TSFM: variants seen among roughly 807,000 people sequenced by gnomAD.
TSFM encodes the protein Ts translation elongation factor, mitochondrial, also known as elongation factor Ts, mitochondrial.
TSFM carries 29 observed loss-of-function variants against 33.4 expected under a neutral mutation model. That is an observed-to-expected ratio of 0.87 (90% CI 0.65 to 1.18). The LOEUF (loss-of-function observed/expected upper bound fraction) is 1.18, where lower values mean the gene tolerates loss of function less well. Ranked by LOEUF, TSFM falls within the 50% of genes most tolerant of loss-of-function variation. The pLI, the probability that TSFM is intolerant of heterozygous loss-of-function variation, is 0.00. For missense variants in TSFM, 394 were observed against 395.6 expected, an observed-to-expected ratio of 1.00 and a Z score of 0.04; for synonymous variants, 178 against 163.5, an observed-to-expected ratio of 1.09 and a Z score of -0.68.
intron 1 of TSFM, 67 bp from the exon 2 acceptor site, chr12:57,783,043 C>T: frequency 1.9e-6 from 3 of 1,554,988 alleles, no homozygotes; most frequent in South Asian, 1.2e-5. Context: ...CGCTTCCCTG[C>T]CCGTGTACCC....
rs1299791645 is a variant in TSFM at position 57,784,811 on chromosome 12, C to T, written c.232-1352C>T. Among the ~76,000 whole-genome samples, 5 of 144,180 alleles carry T rather than the reference C, an allele frequency of 3.5e-5. No homozygotes were observed. In the East Asian group the frequency reaches 6.7e-4, roughly 19 times the overall value. 94.6% of individuals were successfully genotyped at this position (144,180 alleles called of 152,430 possible). Reference sequence around the variant, plus strand: ...AGGATAATCTCTTGAACCCAAAAGGCGGAGGTTGTGGTGAGCCGAGATCGT... The same window carrying T: ...AGGATAATCTCTTGAACCCAAAAGGTGGAGGTTGTGGTGAGCCGAGATCGT... On this transcript the variant is annotated intron_variant, in intron 2 of 5. Transcript: ENST00000652027.
chr12:57,787,104 C>T lies in TSFM; in HGVS notation c.425C>T (p.Ala142Val), dbSNP rs1595138623. 6.2e-7 allele frequency: 1 copy of T among 1,609,600 alleles called. No individual in the cohort carries two copies. The highest frequency in any genetic ancestry group is 2.2e-5 in the East Asian group (1 of 44,834). Reference sequence around the variant, plus strand: ...TTTCAACTGTTGGTCCAGCAAGTAGCCCTTGGAACCATGATGCATTGTCAG... The same window carrying T: ...TTTCAACTGTTGGTCCAGCAAGTAGTCCTTGGAACCATGATGCATTGTCAG... ...LKFQLLVQQVALGTMMHCQTL... is the reference protein window; with the variant it reads ...LKFQLLVQQVVLGTMMHCQTL... Residue 142 changes from alanine (A) to valine (V), a missense_variant, in exon 4 of 6, where the codon GCC becomes GTC. Physicochemically the swap from Ala to Val is moderately conservative, Grantham distance 64 (BLOSUM62 0). Coordinates refer to ENST00000652027, the MANE Select transcript of TSFM (RefSeq NM_005726.6).
In TSFM at chr12:57,796,523, G is replaced by C. The variant is rs149429981; in HGVS notation, c.918G>C (p.Ser306=). 5.3e-6 allele frequency: 8 copies of C among 1,498,116 alleles called. No individual in the cohort carries two copies. The African/African-American group carries it at 1.1e-4, about 21-fold the overall frequency. 92.8% of individuals were successfully genotyped at this position (1,498,116 alleles called of 1,614,324 possible). A position where few individuals can be genotyped will look rare whatever the true frequency, so the allele number is the denominator to read the frequency against. ...LGQYVQPQGV[S]VVDFVRFECG... ...AGTATGTGCAGCCTCAGGGGGTGTCGGTAGTAGACTTTGTGCGGTTTGAAT... is the reference window on the plus strand; with the variant it reads ...AGTATGTGCAGCCTCAGGGGGTGTCCGTAGTAGACTTTGTGCGGTTTGAAT... The change falls in exon 6 of 6, where the codon TCG becomes TCC. Residue 306 remains serine, a synonymous_variant. Coordinates refer to ENST00000652027, the MANE Select transcript of TSFM (RefSeq NM_005726.6).
downstream of TSFM, chr12:57,802,154 T>C (rs760455022): frequency 6.2e-7 from 1 of 1,613,770 alleles, no homozygotes; most frequent in South Asian, 1.1e-5. Context: ...TACTCTCTTT[T>C]CTTACACTCC....
chr12:57,783,039 C>T (rs1397460267), intron 1 of TSFM, 71 bp from the exon 2 acceptor site: 1 of 1,546,622 alleles, frequency 6.5e-7, no homozygotes, highest in South Asian at 1.2e-5. Flanking sequence ...AGGTCGCTTC[C>T]CTGCCCGTGT....
In TSFM at chr12:57,796,466, G is replaced by T. The variant is rs775672491; in HGVS notation, c.861G>T (p.Pro287=). 11 of 1,592,706 alleles carry T rather than the reference G, an allele frequency of 6.9e-6. No homozygotes were observed. The East Asian group carries it at 2.2e-4, about 32-fold the overall frequency. The change falls in exon 6 of 6, where the codon CCG becomes CCT. Residue 287 remains proline (P), a synonymous_variant. Coordinates refer to ENST00000652027, the MANE Select transcript of TSFM (RefSeq NM_005726.6). ...CAGAGACTAAGATGCTGTCCCAGCC[G>T]TATTTGCTGGATCCCTCCATTACCT... ...GEAETKMLSQ[P]YLLDPSITLG...
Position 57,783,300 on chromosome 12 carries a change from G to A in TSFM, c.231+17G>A. ...CTCAAACAGGTGTGTGTGTGGAGGG[G>A]TGCAGGGCGGAGTACTAGAGCTCGA... is the stretch of plus-strand genomic sequence containing the variant. On this transcript the variant is annotated intron_variant, in intron 2 of 5. Coordinates refer to ENST00000652027, the MANE Select transcript of TSFM (RefSeq NM_005726.6). 1.2e-6 allele frequency: 2 copies of A among 1,613,588 alleles called. No individual in the cohort carries two copies. The highest frequency in any genetic ancestry group is 1.3e-5 in the African/African-American group (1 of 75,048).
At chr12:57,802,453 A>G, downstream of TSFM, 3 of 1,353,412 alleles carry the variant, frequency 2.2e-6, no homozygotes, top group Non-Finnish European at 3.1e-6. Flanking sequence ...TGAGCAATTC[A>G]CAGCCTCAGA....
At chr12:57,783,694 A>G (rs1412208713) in intron 2 of TSFM, 2 of 589,856 alleles carry the variant, frequency 3.4e-6, no homozygotes, top group Non-Finnish European at 6.3e-6. Context: ...CCCGGGTTCA[A>G]GCGATTCTCC....
chr12:57,801,111 G>C (rs1955837904), downstream of TSFM: 1 of 1,595,482 alleles, frequency 6.3e-7, no homozygotes, highest in Non-Finnish European at 8.6e-7. Flanking sequence ...TTGCCCATGT[G>C]GCTGGCTTCT....
chr12:57,789,928 G>A (rs962179525), intron 4 of TSFM, among the ~76,000 whole-genome samples: 4 of 151,842 alleles, frequency 2.6e-5, no homozygotes, highest in Admixed American at 2.6e-4. Flanking sequence ...CTTATCTTTT[G>A]GGTTTATGTC....
At position 57,783,257 on chromosome 12, in the gene TSFM, G is replaced by A. The variant is rs1195733948; in HGVS notation, c.205G>A (p.Glu69Lys). Residue 69 changes from glutamate to lysine, a missense_variant, in exon 2 of 6, where the codon GAG (glutamate) becomes AAG (lysine). By Grantham distance (56) the Glu-to-Lys change is moderately conservative. Coordinates refer to ENST00000652027, the MANE Select transcript of TSFM (RefSeq NM_005726.6). ...YSFVNCKKALETCGGDLKQAE... is the reference protein window; with the variant it reads ...YSFVNCKKALKTCGGDLKQAE... ...CTTTGTAAATTGCAAGAAAGCTCTGGAGACTTGTGGCGGGGACCTCAAACA... is the reference window on the plus strand; with the variant it reads ...CTTTGTAAATTGCAAGAAAGCTCTGAAGACTTGTGGCGGGGACCTCAAACA... 2 of 1,613,812 alleles carry A rather than the reference G, an allele frequency of 1.2e-6. No individual in the cohort carries two copies. The highest frequency in any genetic ancestry group is 1.7e-6 in the Non-Finnish European group (2 of 1,179,906).
At chr12:57,795,554 C>A (rs1955723134) in intron 5 of TSFM, among the ~76,000 whole-genome samples, 1 of 152,108 alleles carries the variant, frequency 6.6e-6, no homozygotes, top group Non-Finnish European at 1.5e-5. Context: ...AGTAAATAGG[C>A]AGAACTGAGA....
At chr12:57,794,315 C>T (rs1354382092) in intron 5 of TSFM, among the ~76,000 whole-genome samples, 1 of 152,124 alleles carries the variant, frequency 6.6e-6, no homozygotes, top group African/African-American at 2.4e-5. Flanking sequence ...TATGGCTAAT[C>T]CAGGCATACT....
chr12:57,799,240 G>A (rs555593121), downstream of TSFM, among the ~76,000 whole-genome samples: 32 of 152,256 alleles, frequency 2.1e-4, no homozygotes, highest in Non-Finnish European at 4.6e-4. Context: ...TTTCAGGCAC[G>A]AACACTAGCA....
intron 4 of TSFM, among the ~76,000 whole-genome samples, chr12:57,790,759 T>G (rs1405499260): frequency 2.6e-5 from 4 of 152,102 alleles, no homozygotes; most frequent in Non-Finnish European, 4.4e-5. Flanking sequence ...AAGTATGTGT[T>G]GATTTAATTT....
At position 57,782,806 on chromosome 12, in the gene TSFM, C is replaced by A; in HGVS notation, c.5C>A (p.Ser2Ter). The A allele has an allele frequency of 6.3e-7, 1 of 1,591,122 alleles. No individual in the cohort carries two copies. The highest frequency in any genetic ancestry group is 1.7e-4 in the Middle Eastern group (1 of 6,028). The part of the protein sequence containing the change: M[S>*]LLRSLRVFLV... ...GTGTTTATCGCGGCTAGAGAGATGT[C>A]GCTGCTGCGGTCGCTGCGCGTGTTT... is the stretch of plus-strand genomic sequence containing the variant. The change falls in exon 1 of 6, where the codon TCG becomes TAG. Residue 2 changes from serine to a stop codon, truncating the protein, a stop_gained. Coordinates refer to ENST00000652027, the MANE Select transcript of TSFM (RefSeq NM_005726.6). LOFTEE classifies it high-confidence loss of function.
chr12:57,795,073 ATATATATATATATATG>A (rs1435209195), intron 5 of TSFM, among the ~76,000 whole-genome samples: 1 of 72,344 alleles, frequency 1.4e-5, no homozygotes, highest in South Asian at 9.1e-4. Context: ...TTAATGCTCC[ATATATATATATATATG>A]TATATATATA....
chr12:57,800,978 C>G (rs1430299392), downstream of TSFM, among the ~76,000 whole-genome samples: 1 of 152,200 alleles, frequency 6.6e-6, no homozygotes, highest in Non-Finnish European at 1.5e-5. Flanking sequence ...GAACTTGGCT[C>G]TGAGACCTGC....
Sources: gnomAD v4.1 joint callset for allele counts (sites outside exome capture counted in the v4.1 genomes callset) on GRCh38, gnomAD v4.1.1 for gene constraint, MANE v1.5 for transcripts, NCBI Gene and HGNC (gene_info 2026-07-23, HGNC 2026-07-21) for gene names.